The following NOL4 variants were observed in gnomAD, a reference collection of about 807,000 sequenced individuals.
NOL4 encodes the protein cancer/testis antigen 125.
NOL4 carries 17 observed loss-of-function variants against 75.9 expected under a neutral mutation model. The observed-to-expected ratio is 0.22, with a 90% CI of 0.15 to 0.34. The LOEUF (loss-of-function observed/expected upper bound fraction) is 0.34. Among genes scored for constraint, NOL4 ranks in the 10% least tolerant of loss-of-function variants. NOL4 has a pLI of 1.00. For missense variants in NOL4, 614 were observed against 793.5 expected, an observed-to-expected ratio of 0.77 and a Z score of 2.72; for synonymous variants, 292 against 289.9, an observed-to-expected ratio of 1.01 and a Z score of -0.07.
rs1332007727 is a variant in NOL4 at position 34,024,188 on chromosome 18, A to T, written c.773-4587T>A. ...CTTAGGCAAAATAAACAGGAAAAAA[A>T]AAAAAAATATATATATATATATATA... On this transcript the variant is annotated intron_variant, in intron 5 of 10. Transcript: ENST00000261592. Among the ~76,000 whole-genome samples, 20 of 64,580 alleles carry T rather than the reference A, an allele frequency of 3.1e-4. 1 individual carries two copies. Among genetic ancestry groups the T allele is most frequent in the Non-Finnish European group, 5.7e-4 (16 of 28,032 alleles). 42.4% of individuals were successfully genotyped at this position (64,580 alleles called of 152,430 possible). A position where few individuals can be genotyped will look rare whatever the true frequency, so the allele number is the denominator to read the frequency against.
chr18:34,173,716 A>T (rs1429464455), intron 1 of NOL4, among the ~76,000 whole-genome samples: 1 of 152,130 alleles, frequency 6.6e-6, no homozygotes, highest in Non-Finnish European at 1.5e-5. Flanking sequence ...ACATATCTTG[A>T]TCTGTCTCAG....
intron 9 of NOL4, among the ~76,000 whole-genome samples, chr18:33,939,650 T>G (rs1049739843): frequency 6.6e-6 from 1 of 152,170 alleles, no homozygotes; most frequent in Non-Finnish European, 1.5e-5. Flanking sequence ...CTGAAGTTGC[T>G]TATCAGCTTA....
chr18:33,936,461 T>G (rs997785308), intron 9 of NOL4, among the ~76,000 whole-genome samples: 1 of 151,974 alleles, frequency 6.6e-6, no homozygotes, highest in African/African-American at 2.4e-5. Flanking sequence ...CAGTACTTTA[T>G]TTTTCTTCTT....
chr18:34,072,261 C>A (rs770042073), intron 5 of NOL4, among the ~76,000 whole-genome samples: 1 of 151,922 alleles, frequency 6.6e-6, no homozygotes, highest in Non-Finnish European at 1.5e-5. Context: ...AAATGACAGA[C>A]AAAGGCACAC....
chr18:33,954,517 CT>C (rs560463236), intron 8 of NOL4, among the ~76,000 whole-genome samples: 5 of 149,374 alleles, frequency 3.3e-5, no homozygotes, highest in South Asian at 4.2e-4. Context: ...AGAGATGTAA[CT>C]TTTTTTGATA....
At chr18:33,858,499 A>G (rs2062936943) in intron 10 of NOL4, among the ~76,000 whole-genome samples, 2 of 151,938 alleles carry the variant, frequency 1.3e-5, no homozygotes, top group Admixed American at 6.6e-5. Flanking sequence ...ATAAGTGGTA[A>G]TTTCCTTCTC....
In NOL4 at chr18:34,221,621, C is replaced by A. The variant is rs554352350; in HGVS notation, c.264+1369G>T. 487 of 132,126 alleles carry A rather than the reference C, an allele frequency of 3.7e-3. 4 individuals are homozygous for A. The highest frequency in any genetic ancestry group is 0.013 in the African/African-American group (403 of 32,230). The allele number at this position is 132,126 out of a possible 1,614,324, so 8.2% of individuals were successfully genotyped here. A position where few individuals can be genotyped will look rare whatever the true frequency, so the allele number is the denominator to read the frequency against. ...TACATTGTTAAAAAAAAAAAAAAAA[C>A]CACCACAGAACTTTTATATGTGTTT... On this transcript the variant is annotated intron_variant, in intron 1 of 10. Transcript: ENST00000261592.
Position 34,203,717 on chromosome 18 carries a change from T to TCTCTCTCTCTCACACA in NOL4, c.264+19272_264+19273insTGTGTGAGAGAGAGAG, listed in dbSNP as rs1261546835. On this transcript the variant is annotated intron_variant, in intron 1 of 10. Transcript: ENST00000261592. ...CTCTCTCTCTCTCTCTCTCTCTCTC[T>TCTCTCTCTCTCACACA]CACACACACACACACACACACACAC... is the stretch of plus-strand genomic sequence containing the variant. 2.2e-3 allele frequency among the ~76,000 whole-genome samples: 162 copies of TCTCTCTCTCTCACACA among 72,286 alleles called. 1 individual carries two copies. Among genetic ancestry groups the TCTCTCTCTCTCACACA allele is most frequent in the Middle Eastern group, 0.014 (1 of 72 alleles). The allele number at this position is 72,286 out of a possible 152,430, so 47.4% of individuals were successfully genotyped here. A position where few individuals can be genotyped will look rare whatever the true frequency, so the allele number is the denominator to read the frequency against.
chr18:33,954,372 G>A (rs2069486270), intron 8 of NOL4, among the ~76,000 whole-genome samples: 1 of 152,086 alleles, frequency 6.6e-6, no homozygotes, highest in Non-Finnish European at 1.5e-5. Context: ...ACAGTGGTGA[G>A]AACCATAGTC....
At chr18:34,134,871 C>T (rs536379479) in intron 1 of NOL4, among the ~76,000 whole-genome samples, 5 of 152,130 alleles carry the variant, frequency 3.3e-5, no homozygotes, top group East Asian at 1.9e-4. Flanking sequence ...ATTGGTCAGA[C>T]GAATCCAAAG....
At chr18:34,207,247 A>C (rs1420785483) in intron 1 of NOL4, among the ~76,000 whole-genome samples, 2 of 151,872 alleles carry the variant, frequency 1.3e-5, no homozygotes, top group African/African-American at 2.4e-5. Context: ...CATTGTTTTT[A>C]TATGCCAAAT....
intron 6 of NOL4, among the ~76,000 whole-genome samples, chr18:33,989,345 C>T (rs2072744022): frequency 6.6e-6 from 1 of 151,702 alleles, no homozygotes; most frequent in South Asian, 2.1e-4. Flanking sequence ...TAATTATGAA[C>T]CAGCTGAGTA....
chr18:34,193,727 A>G (rs1443463067), intron 1 of NOL4, among the ~76,000 whole-genome samples: 1 of 152,178 alleles, frequency 6.6e-6, no homozygotes, highest in Non-Finnish European at 1.5e-5. Flanking sequence ...CCATCCTACT[A>G]CTGGGTATAT....
intron 1 of NOL4, among the ~76,000 whole-genome samples, chr18:34,139,830 C>T (rs938913758): frequency 3.3e-5 from 5 of 152,134 alleles, no homozygotes; most frequent in Admixed American, 2.6e-4. Context: ...CTATAAACTT[C>T]CCTCTACACA....
intron 10 of NOL4, among the ~76,000 whole-genome samples, chr18:33,875,553 A>G (rs1165452236): frequency 6.6e-6 from 1 of 151,986 alleles, no homozygotes; most frequent in East Asian, 1.9e-4. Flanking sequence ...TAAAACTCTA[A>G]AACTACTGTA....
chr18:33,865,931 A>C (rs2063409711), intron 10 of NOL4, among the ~76,000 whole-genome samples: 1 of 152,178 alleles, frequency 6.6e-6, no homozygotes, highest in African/African-American at 2.4e-5. Context: ...CAACGTAACA[A>C]GTTGCTAAGA....
chr18:33,924,651 T>C (rs17816443), intron 9 of NOL4, among the ~76,000 whole-genome samples: 38,033 of 152,106 alleles, frequency 0.25, 5,052 homozygotes, highest in East Asian at 0.42. Context: ...CAATGCTGTT[T>C]TATTCCTACA....
At chr18:33,949,025 T>A (rs1293329561) in intron 8 of NOL4, among the ~76,000 whole-genome samples, 1 of 152,066 alleles carries the variant, frequency 6.6e-6, no homozygotes, top group African/African-American at 2.4e-5. Flanking sequence ...TACCTAAGGT[T>A]TTACTTTTTC....
chr18:34,162,965 T>C (rs1399669853), intron 1 of NOL4, among the ~76,000 whole-genome samples: 1 of 152,128 alleles, frequency 6.6e-6, no homozygotes, highest in African/African-American at 2.4e-5. Flanking sequence ...TAATCCAGCA[T>C]ATAAACAGAA....
Sources: gnomAD v4.1 joint callset for allele counts (sites outside exome capture counted in the v4.1 genomes callset) on GRCh38, gnomAD v4.1.1 for gene constraint, MANE v1.5 for transcripts, NCBI Gene and HGNC (gene_info 2026-07-23, HGNC 2026-07-21) for gene names.